The following ZNF304 variants were observed in gnomAD, a reference collection of about 807,000 sequenced individuals.
ZNF304 encodes the protein KRAB-containing zinc finger protein.
A neutral mutation model predicts 7.8 loss-of-function variants in ZNF304; 7 were observed. The ratio of observed to expected loss-of-function variants is 0.90; its 90% CI spans 0.51 to 1.69. ZNF304 has a LOEUF of 1.69. Ranked by LOEUF, ZNF304 falls within the 40% of genes most tolerant of loss-of-function variation. ZNF304 has a pLI of 0.00. For missense variants in ZNF304, 669 were observed against 804.8 expected (o/e 0.83, Z 2.04); for synonymous variants, 280 against 272.4 (o/e 1.03, Z -0.27).
rs2122970093 is a variant in ZNF304 at position 57,351,485 on chromosome 19, C to A, written c.-180C>A. 1.5e-6 allele frequency: 1 copy of A among 686,362 alleles called. No homozygotes were observed. The highest frequency in any genetic ancestry group is 2.5e-6 in the Non-Finnish European group (1 of 403,894). 42.5% of individuals were successfully genotyped at this position (686,362 alleles called of 1,614,324 possible). ...TGCCGGGGCTGGGCTCTTACCGAGG[C>A]CTCCACACACGTCCTCTTGTCCTTG... On this transcript the variant is annotated 5_prime_UTR_variant, in exon 1 of 3. Transcript: ENST00000282286. This position sits in a 1 kb window ranked among gnomAD's most constrained non-coding sequence, Gnocchi z 4.1.
rs1272525214 is a variant in ZNF304, at chr19:57,356,213, A to C, written c.344A>C (p.Lys115Thr). Residue 115 changes from lysine (K) to threonine (T), a missense_variant, in exon 3 of 3, where the codon AAA becomes ACA. Physicochemically the swap from Lys to Thr is moderately conservative, Grantham distance 78. Transcript: ENST00000282286. Reference protein sequence around the residue: ...AEHQGSHLTQKLCTRGLCRRR... With the variant: ...AEHQGSHLTQTLCTRGLCRRR... ...CACCAGGGATCACACCTTACACAGA[A>C]ACTGTGCACACGTGGGCTGTGTAGG... 6.2e-7 allele frequency: 1 copy of C among 1,614,212 alleles called. No individual in the cohort carries two copies. The highest frequency in any genetic ancestry group is 8.5e-7 in the Non-Finnish European group (1 of 1,180,026).
In ZNF304 at chr19:57,356,433, T is replaced by G; in HGVS notation, c.564T>G (p.Thr188=). 1.2e-6 allele frequency: 2 copies of G among 1,614,140 alleles called. No individual in the cohort carries two copies. The highest frequency in any genetic ancestry group is 1.7e-6 in the Non-Finnish European group (2 of 1,180,010). Residue 188 remains threonine (T), a synonymous_variant, in exon 3 of 3, where the codon ACT becomes ACG. Coordinates refer to ENST00000282286, the MANE Select transcript of ZNF304 (RefSeq NM_020657.4). ...DSSGLFQHQT[T]YNRVSPCRRT... The stretch of plus-strand genomic sequence containing the variant: ...CTGGCCTTTTCCAGCACCAGACCAC[T>G]TACAATAGGGTGAGTCCATGCAGAA...
rs767211722 is a variant in ZNF304, at chr19:57,357,236, T to C, written c.1367T>C (p.Phe456Ser). The change falls in exon 3 of 3, where the codon TTT (phenylalanine) becomes TCT (serine). Residue 456 changes from phenylalanine to serine, a missense_variant. By Grantham distance (155) the Phe-to-Ser change is radical (BLOSUM62 -2). Transcript: ENST00000282286. ...GTGTGCAGCAAATGTGGGAAGGCCT[T>C]TGGCTGCAAAGACACACTTGTTCAG... ...SYVCSKCGKA[F>S]GCKDTLVQHQ... is the part of the protein sequence containing the mutation. 1 of 1,613,274 alleles carries C rather than the reference T, an allele frequency of 6.2e-7. No individual in the cohort carries two copies.
chr19:57,355,438 G>A (rs763129509), intron 2 of ZNF304: 6 of 734,384 alleles, frequency 8.2e-6, no homozygotes, highest in Non-Finnish European at 1.5e-5. Context: ...GGTTCAAATC[G>A]AACCTTCAAC....
intron 1 of ZNF304, chr19:57,352,096 G>A (rs1382495090): frequency 1.5e-5 from 3 of 205,450 alleles, no homozygotes; most frequent in Non-Finnish European, 2.0e-5. Flanking sequence ...GGGTAGACTA[G>A]GGATTATAGG....
chr19:57,355,079 C>T lies in ZNF304; in HGVS notation c.161-951C>T, dbSNP rs1328950702. On this transcript the variant is annotated intron_variant, in intron 2 of 2. Transcript: ENST00000282286. ...GCACCTCTTTGTCCTAGATTCTGCCCTCATCCTCTGGCTGACATTTCCTGG... is the reference window on the plus strand; with the variant it reads ...GCACCTCTTTGTCCTAGATTCTGCCTTCATCCTCTGGCTGACATTTCCTGG... Among the ~76,000 whole-genome samples, 5 of 152,204 alleles carry T rather than the reference C, an allele frequency of 3.3e-5. No individual in the cohort carries two copies. The South Asian group carries it at 1.0e-3, about 31-fold the overall frequency.
intron 2 of ZNF304, among the ~76,000 whole-genome samples, chr19:57,354,121 C>A (rs1272272832): frequency 6.6e-6 from 1 of 152,016 alleles, no homozygotes; most frequent in Non-Finnish European, 1.5e-5. Flanking sequence ...TGATCCCCCC[C>A]ACCTCACCCT....
rs1410498142 is a variant in ZNF304, at chr19:57,357,347, A to T, written c.1478A>T (p.His493Leu). 6.2e-7 allele frequency: 1 copy of T among 1,614,014 alleles called. No homozygotes were observed. The highest frequency in any genetic ancestry group is 1.3e-5 in the African/African-American group (1 of 74,898). Residue 493 changes from histidine to leucine, a missense_variant, in exon 3 of 3, where the codon CAC becomes CTC. Transcript: ENST00000282286. ...AGCCGTAAAGACACACTTGTGCAAC[A>T]CCAAAAAATCCACACTGGAGAAAGG... ...AFSRKDTLVQHQKIHTGERPY... is the reference protein window; with the variant it reads ...AFSRKDTLVQLQKIHTGERPY...
In ZNF304 at chr19:57,357,121, C is replaced by T; in HGVS notation, c.1252C>T (p.Pro418Ser). The change falls in exon 3 of 3, where the codon CCC becomes TCC. Residue 418 changes from proline (P) to serine (S), a missense_variant. By Grantham distance (74) the Pro-to-Ser change is moderately conservative. Coordinates refer to ENST00000282286, the MANE Select transcript of ZNF304 (RefSeq NM_020657.4). Reference sequence around the variant, plus strand: ...CTGGAGAATTCATACCGGGGCAAGGCCCTATGAATGCATAGAATGTGGAAA... The same window carrying T: ...CTGGAGAATTCATACCGGGGCAAGGTCCTATGAATGCATAGAATGTGGAAA... ...EHWRIHTGAR[P>S]YECIECGKFF... 1 of 1,613,192 alleles carries T rather than the reference C, an allele frequency of 6.2e-7. No homozygotes were observed. The highest frequency in any genetic ancestry group is 8.5e-7 in the Non-Finnish European group (1 of 1,179,458).
intron 2 of ZNF304, among the ~76,000 whole-genome samples, chr19:57,354,141 C>T (rs1381237217): frequency 1.3e-5 from 2 of 152,086 alleles, no homozygotes. Flanking sequence ...TCCTGAGTAG[C>T]TGGGACTATA....
rs1161818549 is a variant in ZNF304, at chr19:57,359,833, A to G, written c.*1984A>G. The G allele has an allele frequency of 2.0e-5, 3 of 152,210 alleles. No individual in the cohort carries two copies. The highest frequency in any genetic ancestry group is 7.2e-5 in the African/African-American group (3 of 41,448). The allele number at this position is 152,210 out of a possible 1,614,324, so 9.4% of individuals were successfully genotyped here. On this transcript the variant is annotated 3_prime_UTR_variant, in exon 3 of 3. Transcript: ENST00000282286. The stretch of plus-strand genomic sequence containing the variant: ...TTTCTTCTTTGTCAACTTAATTGTT[A>G]TGGATGTTTGGGTAACTTTCAGTTT...
At chr19:57,355,239 C>CCTTTTGTCTACCCT (rs2088319832) in intron 2 of ZNF304, 1 of 763,970 alleles carries the variant, frequency 1.3e-6, no homozygotes, top group South Asian at 1.3e-5. Flanking sequence ...GGTCTACCTG[C>CCTTTTGTCTACCCT]GCCACTCACC....
In ZNF304 at chr19:57,355,482, G is replaced by A. The variant is rs1305992117; in HGVS notation, c.161-548G>A. The A allele has an allele frequency of 5.6e-5, 38 of 677,678 alleles. 2 individuals carry two copies. Among genetic ancestry groups the A allele is most frequent in the South Asian group, 5.5e-4 (33 of 59,638 alleles). The allele number at this position is 677,678 out of a possible 1,614,324, so 42.0% of individuals were successfully genotyped here. On this transcript the variant is annotated intron_variant, in intron 2 of 2. Coordinates refer to ENST00000282286, the MANE Select transcript of ZNF304 (RefSeq NM_020657.4). ...TGTTTGTCAGTGTTTTGTTGCCAAG[G>A]CCCATAGTGATTCTTCACATCTACT...
At chr19:57,352,124 G>T (rs547676760) in intron 1 of ZNF304, 8 of 177,542 alleles carry the variant, frequency 4.5e-5, no homozygotes, top group African/African-American at 1.4e-4. Context: ...GGGAGATCAA[G>T]ATGAAGTCTA....
chr19:57,354,586 C>T (rs1053371587), intron 2 of ZNF304, among the ~76,000 whole-genome samples: 2 of 152,200 alleles, frequency 1.3e-5, no homozygotes, highest in African/African-American at 4.8e-5. Flanking sequence ...GATGGAAGCC[C>T]AGGATTGTAA....
Position 57,356,729 on chromosome 19 carries a change from C to G in ZNF304, c.860C>G (p.Ala287Gly), listed in dbSNP as rs1403694235. ...CATGTGTGTAAGGAGTGTGGAAAAG[C>G]CTTCATTCACTTGCACCACCTAAAA... Reference protein sequence around the residue: ...ISHVCKECGKAFIHLHHLKMH... With the variant: ...ISHVCKECGKGFIHLHHLKMH... The change falls in exon 3 of 3, where the codon GCC becomes GGC. Residue 287 changes from alanine to glycine, a missense_variant. By Grantham distance (60) the Ala-to-Gly change is moderately conservative. Coordinates refer to ENST00000282286, the MANE Select transcript of ZNF304 (RefSeq NM_020657.4). 2 of 1,614,186 alleles carry G rather than the reference C, an allele frequency of 1.2e-6. No individual in the cohort carries two copies. The highest frequency in any genetic ancestry group is 1.7e-5 in the Admixed American group (1 of 60,026).
intron 1 of ZNF304, among the ~76,000 whole-genome samples, chr19:57,353,245 A>C (rs1828239609): frequency 6.6e-6 from 1 of 152,072 alleles, no homozygotes; most frequent in Non-Finnish European, 1.5e-5. Context: ...GGGATGAGGG[A>C]TGTCATGGAG....
chr19:57,351,969 T>C lies in ZNF304; in HGVS notation c.33+272T>C, dbSNP rs2088280758. The stretch of plus-strand genomic sequence containing the variant: ...TAGGGGGTCAGAGGTAGGCCTGGAA[T>C]GGCCGCCCGAGGAGCTGGTCCTCTC... On this transcript the variant is annotated intron_variant, in intron 1 of 2. Transcript: ENST00000282286. This position sits in a 1 kb window ranked among gnomAD's most constrained non-coding sequence, Gnocchi z 4.1. The C allele has an allele frequency of 2.3e-6, 1 of 427,482 alleles. No homozygotes were observed. Among genetic ancestry groups the C allele is most frequent in the Non-Finnish European group, 4.2e-6 (1 of 240,146 alleles). 26.5% of individuals were successfully genotyped at this position (427,482 alleles called of 1,614,324 possible).
intron 1 of ZNF304, among the ~76,000 whole-genome samples, chr19:57,352,485 C>T (rs2088287502): frequency 6.6e-6 from 1 of 152,118 alleles, no homozygotes; most frequent in Non-Finnish European, 1.5e-5. Context: ...TTGGAGCGCT[C>T]AGGGAATCTC....
Sources: allele counts gnomAD v4.1 joint callset (sites outside exome capture counted in the v4.1 genomes callset), GRCh38; gene constraint gnomAD v4.1.1; non-coding constraint Gnocchi (gnomAD v3.1); transcripts MANE v1.5; gene names NCBI Gene and HGNC (gene_info 2026-07-23, HGNC 2026-07-21).